The following PIEZO2 variants were observed in gnomAD, a reference collection of about 807,000 sequenced individuals.
PIEZO2 encodes the protein piezo-type mechanosensitive ion channel component 2.
Under a neutral mutation model 337.3 loss-of-function variants are expected in PIEZO2, and 172 were observed. The ratio of observed to expected loss-of-function variants is 0.51; its 90% CI spans 0.45 to 0.58. PIEZO2 has a LOEUF of 0.58. PIEZO2 is among the 20% of genes least tolerant of loss of function. PIEZO2 has a pLI of 0.00. For missense variants in PIEZO2, 3,028 were observed against 3,391.3 expected (o/e 0.89, Z 2.66); for synonymous variants, 1,251 against 1,228.5 (o/e 1.02, Z -0.38).
chr18:10,919,030 A>G (rs775226439), intron 3 of PIEZO2, among the ~76,000 whole-genome samples: 2 of 152,034 alleles, frequency 1.3e-5, no homozygotes, highest in African/African-American at 2.4e-5. Flanking sequence ...AATTTATTCA[A>G]ATATATGTGC....
At position 11,132,303 on chromosome 18, in the gene PIEZO2, G is replaced by A. The variant is rs966794728; in HGVS notation, c.64+16222C>T. ...AGGCACTCACTTTATGGTGAAAGAA[G>A]TGTGGCAGCAGGCTCATGCTCATGG... On this transcript the variant is annotated intron_variant, in intron 1 of 55. Transcript: ENST00000674853. The surrounding 1 kb of genome is among the most constrained non-coding windows in gnomAD (Gnocchi z 4.7). Among the ~76,000 whole-genome samples the A allele has an allele frequency of 6.6e-6, 1 of 152,188 alleles. No individual in the cohort carries two copies. Among genetic ancestry groups the A allele is most frequent in the Non-Finnish European group, 1.5e-5 (1 of 68,030 alleles).
chr18:11,100,008 TA>T (rs1417577012), intron 1 of PIEZO2, among the ~76,000 whole-genome samples: 2 of 152,180 alleles, frequency 1.3e-5, no homozygotes, highest in African/African-American at 4.8e-5. Context: ...TCTTTTGTCA[TA>T]AAAAACTTAT....
chr18:10,818,441 T>A (rs544904793), intron 7 of PIEZO2, among the ~76,000 whole-genome samples: 1 of 152,222 alleles, frequency 6.6e-6, no homozygotes. Flanking sequence ...AATATTTTCC[T>A]GGGAATTCTT....
chr18:10,956,147 T>C (rs1363262384), intron 3 of PIEZO2, among the ~76,000 whole-genome samples: 1 of 152,202 alleles, frequency 6.6e-6, no homozygotes, highest in Admixed American at 6.5e-5. Flanking sequence ...TCCAGTTTAA[T>C]CCATGATTTT....
Position 11,149,084 on chromosome 18 carries a change from C to G in PIEZO2, c.-496G>C, listed in dbSNP as rs953998376. 6.6e-6 allele frequency among the ~76,000 whole-genome samples: 1 copy of G among 152,116 alleles called. No homozygotes were observed. Among genetic ancestry groups the G allele is most frequent in the Admixed American group, 6.5e-5 (1 of 15,294 alleles). On this transcript the variant is annotated 5_prime_UTR_variant, in exon 1 of 56. Coordinates refer to ENST00000674853, the MANE Select transcript of PIEZO2 (RefSeq NM_001378183.1). This position sits in a 1 kb window ranked among gnomAD's most constrained non-coding sequence, Gnocchi z 8.7. ...CTGAAGCCACCGCGTCTCCTTTGCC[C>G]GGCCTCGTCTCCGCTGCCCACGCAG...
intron 47 of PIEZO2, among the ~76,000 whole-genome samples, chr18:10,694,023 T>C (rs2034977396): frequency 1.3e-5 from 2 of 152,170 alleles, no homozygotes; most frequent in Admixed American, 1.3e-4. Flanking sequence ...TCCCAATATA[T>C]GGTGTGGAAT....
chr18:10,961,603 T>A (rs1251086827), intron 3 of PIEZO2, among the ~76,000 whole-genome samples: 3 of 151,804 alleles, frequency 2.0e-5, no homozygotes, highest in Non-Finnish European at 2.9e-5. Flanking sequence ...AAGAAAAAAA[T>A]TTCAAAAAGA....
chr18:10,773,610 T>C lies in PIEZO2; in HGVS notation c.2587A>G (p.Ser863Gly), dbSNP rs761199576. The change falls in exon 20 of 56, where the codon AGC becomes GGC. Residue 863 changes from serine (S) to glycine (G), a missense_variant. Transcript: ENST00000674853. This position sits in a 1 kb window ranked among gnomAD's most constrained non-coding sequence, Gnocchi z 5.3. ...TGCATCATGGTGAGGTCCGGGAGGC[T>C]TCCTTCCGGGTGGGCCAGTCTGTTG... is the stretch of plus-strand genomic sequence containing the variant. ...HQNELAHPEG[S>G]LPDLTMMHLT... 2.0e-5 allele frequency: 30 copies of C among 1,537,136 alleles called. No homozygotes were observed. The South Asian group carries it at 3.6e-4, about 18-fold the overall frequency.
intron 2 of PIEZO2, among the ~76,000 whole-genome samples, chr18:11,039,775 CAA>C (rs1491400209): frequency 1.8e-3 from 172 of 95,720 alleles, no homozygotes; most frequent in African/African-American, 6.0e-3. Flanking sequence ...CACACACACA[CAA>C]AATTTCTTCC....
chr18:10,834,619 A>T lies in PIEZO2; in HGVS notation c.917+20734T>A, dbSNP rs1204410547. Among the ~76,000 whole-genome samples the T allele has an allele frequency of 6.6e-6, 1 of 152,142 alleles. No homozygotes were observed. ...CCTGTTTTAACACCTCTCTGATTTC[A>T]TGAGGTAGGTATCATGTAAGCAACT... On this transcript the variant is annotated intron_variant, in intron 7 of 55. Transcript: ENST00000674853. This position sits in a 1 kb window ranked among gnomAD's most constrained non-coding sequence, Gnocchi z 4.5.
At chr18:11,059,182 A>C (rs1436551936) in intron 2 of PIEZO2, among the ~76,000 whole-genome samples, 12 of 152,130 alleles carry the variant, frequency 7.9e-5, no homozygotes, top group Admixed American at 7.9e-4. Context: ...GGAGAAATAA[A>C]ATACTTTACA....
intron 1 of PIEZO2, among the ~76,000 whole-genome samples, chr18:11,079,194 A>G (rs1367382342): frequency 6.6e-6 from 1 of 152,194 alleles, no homozygotes; most frequent in Non-Finnish European, 1.5e-5. Flanking sequence ...TCGTTCCACC[A>G]TATATTTACG....
At position 10,767,024 on chromosome 18, in the gene PIEZO2, C is replaced by T. The variant is rs1368572730; in HGVS notation, c.2946+3124G>A. On this transcript the variant is annotated intron_variant, in intron 21 of 55. Coordinates refer to ENST00000674853, the MANE Select transcript of PIEZO2 (RefSeq NM_001378183.1). The surrounding 1 kb of genome is among the most constrained non-coding windows in gnomAD (Gnocchi z 4.2). ...CCTCCCCTCCCCTTCCCTCCCCTCC[C>T]CTTCCCTTCCTTCTCCAATTGGCCA... 2.0e-5 allele frequency among the ~76,000 whole-genome samples: 3 copies of T among 149,910 alleles called. No individual in the cohort carries two copies. The highest frequency in any genetic ancestry group is 6.6e-5 in the Admixed American group (1 of 15,110).
intron 35 of PIEZO2, 121 bp from the exon 36 acceptor site, chr18:10,731,642 G>T: frequency 1.9e-6 from 1 of 521,360 alleles, no homozygotes; most frequent in Non-Finnish European, 3.1e-6. Context: ...AACATCCCGG[G>T]CTATTTTTAT....
At chr18:11,063,371 T>C (rs2038039066) in intron 2 of PIEZO2, among the ~76,000 whole-genome samples, 2 of 152,054 alleles carry the variant, frequency 1.3e-5, no homozygotes, top group Non-Finnish European at 2.9e-5. Context: ...ACATGGCACA[T>C]GTATACATAT....
intron 2 of PIEZO2, among the ~76,000 whole-genome samples, chr18:11,046,621 CT>C (rs1280810028): frequency 6.6e-6 from 1 of 152,236 alleles, no homozygotes; most frequent in Non-Finnish European, 1.5e-5. Context: ...TCGCTCAGGT[CT>C]TGCCTCTCTA....
intron 4 of PIEZO2, among the ~76,000 whole-genome samples, chr18:10,881,143 T>A (rs988483715): frequency 2.0e-5 from 3 of 151,940 alleles, no homozygotes; most frequent in Admixed American, 6.6e-5. Context: ...TACCTTTTTT[T>A]AAACCACAAA....
In PIEZO2 at chr18:10,723,849, T is replaced by A. The variant is rs146109082; in HGVS notation, c.5030-5590A>T. Among the ~76,000 whole-genome samples, 13 of 152,218 alleles carry A rather than the reference T, an allele frequency of 8.5e-5. No homozygotes were observed. The East Asian group carries it at 2.3e-3, about 27-fold the overall frequency. ...CTGCTCCCCAAAAGCAGATTCCAAT[T>A]TGGATTTCAACAGATGGCTCAGAGG... On this transcript the variant is annotated intron_variant, in intron 36 of 55. Coordinates refer to ENST00000674853, the MANE Select transcript of PIEZO2 (RefSeq NM_001378183.1).
At position 10,773,404 on chromosome 18, in the gene PIEZO2, C is replaced by A; in HGVS notation, c.2785+8G>T. On this transcript the variant is annotated splice_region_variant and intron_variant, in intron 20 of 55. Transcript: ENST00000674853. The surrounding 1 kb of genome is among the most constrained non-coding windows in gnomAD (Gnocchi z 5.3). ...TCTCTGACCAGCTGCTGGTAGTGGGCTGATTACCTGATGTTTCTTCCTCCT... is the reference window on the plus strand; with the variant it reads ...TCTCTGACCAGCTGCTGGTAGTGGGATGATTACCTGATGTTTCTTCCTCCT... 6.5e-7 allele frequency: 1 copy of A among 1,537,196 alleles called. No homozygotes were observed. Among genetic ancestry groups the A allele is most frequent in the South Asian group, 1.2e-5 (1 of 84,068 alleles).
Sources: gnomAD v4.1 joint callset for allele counts (sites outside exome capture counted in the v4.1 genomes callset) on GRCh38, gnomAD v4.1.1 for gene constraint, Gnocchi (gnomAD v3.1) non-coding constraint, MANE v1.5 for transcripts, NCBI Gene and HGNC (gene_info 2026-07-23, HGNC 2026-07-21) for gene names.